Variants in GPR149 observed in about 807,000 individuals in gnomAD.
GPR149 encodes the protein G protein-coupled receptor 149.
GPR149 carries 50 observed loss-of-function variants against 50.2 expected under a neutral mutation model. That is an observed-to-expected ratio of 1.00 (90% CI 0.79 to 1.26). GPR149 has a LOEUF of 1.26. Ranked by LOEUF, GPR149 falls within the 50% of genes most tolerant of loss-of-function variation. The pLI, the probability that GPR149 is intolerant of heterozygous loss-of-function variation, is 0.00. For synonymous variants in GPR149, 405 were observed against 358.2 expected (o/e 1.13, Z -1.48); for missense variants, 983 against 895.4 (o/e 1.10, Z -1.25).
intron 3 of GPR149, among the ~76,000 whole-genome samples, chr3:154,383,389 T>C (rs576392547): frequency 3.5e-4 from 53 of 152,298 alleles, no homozygotes; most frequent in African/African-American, 1.1e-3. Context: ...TTGGCTGAGA[T>C]TGGGGGCACC....
At chr3:154,356,050 G>T (rs1477167810) in intron 3 of GPR149, among the ~76,000 whole-genome samples, 1 of 152,156 alleles carries the variant, frequency 6.6e-6, no homozygotes, top group African/African-American at 2.4e-5. Context: ...TAGGGTAGAG[G>T]AGGCTAGTGA....
Position 154,385,379 on chromosome 3 carries a change from G to C in GPR149, c.1623+35660C>G, listed in dbSNP as rs12496055. Reference sequence around the variant, plus strand: ...ATCAGAAGAGGCACTCTTACTACAGGAACAACACCCTTGGGTACAAATGTT... The same window carrying C: ...ATCAGAAGAGGCACTCTTACTACAGCAACAACACCCTTGGGTACAAATGTT... On this transcript the variant is annotated intron_variant, in intron 3 of 3. Transcript: ENST00000389740. 1.9e-4 allele frequency among the ~76,000 whole-genome samples: 29 copies of C among 152,246 alleles called. 1 individual carries two copies. Among genetic ancestry groups the C allele is most frequent in the Admixed American group, 1.9e-3 (29 of 15,296 alleles).
intron 3 of GPR149, among the ~76,000 whole-genome samples, chr3:154,367,238 A>G (rs1714551639): frequency 6.6e-6 from 1 of 152,192 alleles, no homozygotes; most frequent in African/African-American, 2.4e-5. Flanking sequence ...AAATATTCCT[A>G]ACATCAGAAT....
intron 3 of GPR149, among the ~76,000 whole-genome samples, chr3:154,365,708 G>A (rs1714517114): frequency 6.6e-6 from 1 of 152,116 alleles, no homozygotes; most frequent in Non-Finnish European, 1.5e-5. Context: ...CAAAGGATTA[G>A]GACATGAACA....
chr3:154,350,032 C>CA lies in GPR149; in HGVS notation c.1624-11762dup, dbSNP rs1475754080. On this transcript the variant is annotated intron_variant, in intron 3 of 3. Transcript: ENST00000389740. The stretch of plus-strand genomic sequence containing the variant: ...ACTGTAGCCTCCACCTCTATCTGTA[C>CA]AAAAAATAAAAAAATTTAGCTAGGC... 9.9e-5 allele frequency among the ~76,000 whole-genome samples: 15 copies of CA among 151,774 alleles called. No individual in the cohort carries two copies. In the East Asian group the frequency reaches 2.1e-3, roughly 22 times the overall value.
chr3:154,350,843 C>T (rs1714060505), intron 3 of GPR149, among the ~76,000 whole-genome samples: 1 of 152,084 alleles, frequency 6.6e-6, no homozygotes, highest in Non-Finnish European at 1.5e-5. Context: ...TATAAAATGG[C>T]ATAGTATGTG....
At chr3:154,378,490 T>C (rs1163402256) in intron 3 of GPR149, among the ~76,000 whole-genome samples, 3 of 152,216 alleles carry the variant, frequency 2.0e-5, no homozygotes, top group Non-Finnish European at 4.4e-5. Flanking sequence ...ACCATTCATG[T>C]AGCTGCCTTT....
intron 3 of GPR149, among the ~76,000 whole-genome samples, chr3:154,391,625 G>T (rs984520454): frequency 2.0e-5 from 3 of 151,134 alleles, no homozygotes; most frequent in Non-Finnish European, 4.4e-5. Context: ...AAATATAAAG[G>T]GATTAAACTC....
chr3:154,365,640 G>A (rs1397263986), intron 3 of GPR149, among the ~76,000 whole-genome samples: 1 of 152,062 alleles, frequency 6.6e-6, no homozygotes, highest in East Asian at 1.9e-4. Context: ...TGAACACTTT[G>A]CCTAGAGATT....
At position 154,353,793 on chromosome 3, in the gene GPR149, T is replaced by C. The variant is rs763958112; in HGVS notation, c.1624-15522A>G. 5.7e-6 allele frequency: 4 copies of C among 707,356 alleles called. No individual in the cohort carries two copies. The South Asian group carries it at 6.1e-5, about 11-fold the overall frequency. 43.8% of individuals were successfully genotyped at this position (707,356 alleles called of 1,614,324 possible). ...AGAATGTCTTTCCTGTTCCTGTCCA[T>C]GCTCGAGCTATTAAATCTTTTCTTT... On this transcript the variant is annotated intron_variant, in intron 3 of 3. Coordinates refer to ENST00000389740, the MANE Select transcript of GPR149 (RefSeq NM_001038705.3).
intron 3 of GPR149, among the ~76,000 whole-genome samples, chr3:154,350,679 C>G (rs566321007): frequency 6.6e-6 from 1 of 152,088 alleles, no homozygotes; most frequent in African/African-American, 2.4e-5. Flanking sequence ...CAGTTATAGA[C>G]AAGATCATTC....
chr3:154,343,756 C>T (rs1299788082), intron 3 of GPR149, among the ~76,000 whole-genome samples: 10 of 152,094 alleles, frequency 6.6e-5, no homozygotes, highest in African/African-American at 2.4e-4. Context: ...GAAGTAGAAT[C>T]ACGTGAGCCC....
intron 3 of GPR149, among the ~76,000 whole-genome samples, chr3:154,370,962 A>T (rs1848952): frequency 0.12 from 18,005 of 152,120 alleles, 1,508 homozygotes; most frequent in East Asian, 0.47. Flanking sequence ...GGAACAAATT[A>T]CCTATTTGTT....
intron 2 of GPR149, among the ~76,000 whole-genome samples, chr3:154,423,812 C>A (rs1269144151): frequency 1.3e-5 from 2 of 151,522 alleles, no homozygotes; most frequent in East Asian, 1.9e-4. Context: ...TAAAAAGTGT[C>A]TATGGGGCCA....
intron 3 of GPR149, among the ~76,000 whole-genome samples, chr3:154,340,103 T>G (rs1419955688): frequency 6.6e-6 from 1 of 152,036 alleles, no homozygotes; most frequent in Non-Finnish European, 1.5e-5. Flanking sequence ...ACGCTCTACT[T>G]CTTGAATTGA....
At chr3:154,358,072 T>C (rs1307049364) in intron 3 of GPR149, among the ~76,000 whole-genome samples, 1 of 149,044 alleles carries the variant, frequency 6.7e-6, no homozygotes, top group Non-Finnish European at 1.5e-5. Context: ...TTCTCACTCA[T>C]AGGTGGGAAT....
intron 3 of GPR149, 92 bp from the exon 4 acceptor site, chr3:154,338,363 T>C (rs1713707379): frequency 9.5e-7 from 1 of 1,049,948 alleles, no homozygotes; most frequent in African/African-American, 1.6e-5. Context: ...ATGATAAAGG[T>C]TTTCTATTTC....
intron 3 of GPR149, among the ~76,000 whole-genome samples, chr3:154,344,496 G>A (rs74626914): frequency 0.011 from 1,635 of 152,086 alleles, 25 homozygotes; most frequent in African/African-American, 0.038. Flanking sequence ...CTCCAAATTC[G>A]TGTCCCCCTG....
At chr3:154,413,822 G>C (rs562373525) in intron 3 of GPR149, among the ~76,000 whole-genome samples, 1 of 151,638 alleles carries the variant, frequency 6.6e-6, no homozygotes, top group Admixed American at 6.6e-5. Context: ...CAGAGGAAAA[G>C]GAGTCATTAT....
Sources: gnomAD v4.1 joint callset for allele counts (sites outside exome capture counted in the v4.1 genomes callset) on GRCh38, gnomAD v4.1.1 for gene constraint, MANE v1.5 for transcripts, NCBI Gene and HGNC (gene_info 2026-07-23, HGNC 2026-07-21) for gene names.